The following ACTR3C variants were observed in gnomAD, a reference collection of about 807,000 sequenced individuals.
ACTR3C encodes actin-related protein 3C.
Under a neutral mutation model 26.3 loss-of-function variants are expected in ACTR3C, and 18 were observed. The ratio of observed to expected loss-of-function variants is 0.68; its 90% CI spans 0.47 to 1.01. The LOEUF (loss-of-function observed/expected upper bound fraction) is 1.01. Ranked by LOEUF, ACTR3C falls within the 50% of genes least tolerant of loss-of-function variation. The pLI, the probability that ACTR3C is intolerant of heterozygous loss-of-function variation, is 0.00. For synonymous variants in ACTR3C, 55 were observed against 94.5 expected (o/e 0.58, Z 2.42); for missense variants, 184 against 250.7 (o/e 0.73, Z 1.80).
the ACTR3C span, chr7:150,044,951 G>C: frequency 2.6e-5 from 4 of 152,212 alleles, no homozygotes; most frequent in African/African-American, 9.6e-5. Flanking sequence ...GCTAAGCCAA[G>C]AGAAGGTTTC....
At chr7:150,237,397 C>T in the ACTR3C span, among the ~76,000 whole-genome samples, 1 of 152,076 alleles carries the variant, frequency 6.6e-6, no homozygotes, top group Non-Finnish European at 1.5e-5. Flanking sequence ...CACCCACAGC[C>T]CTAGAGAACT....
At chr7:150,033,567 G>A in the ACTR3C span, among the ~76,000 whole-genome samples, 1 of 152,152 alleles carries the variant, frequency 6.6e-6, no homozygotes, top group Admixed American at 6.5e-5. Flanking sequence ...GGGTGGAAGA[G>A]GGGCTGGCTC....
At chr7:149,984,946 C>T in the ACTR3C span, among the ~76,000 whole-genome samples, 1 of 152,022 alleles carries the variant, frequency 6.6e-6, no homozygotes, top group Non-Finnish European at 1.5e-5. Context: ...TGTGTTTCAC[C>T]ATTTATCTGT....
the ACTR3C span, among the ~76,000 whole-genome samples, chr7:150,168,563 T>C: frequency 6.6e-6 from 1 of 150,858 alleles, no homozygotes. Context: ...GTAAGTGTAA[T>C]GCACTTGAAT....
At chr7:150,098,863 G>C in the ACTR3C span, among the ~76,000 whole-genome samples, 3 of 151,532 alleles carry the variant, frequency 2.0e-5, no homozygotes, top group East Asian at 1.9e-4. Flanking sequence ...AAATCACGTG[G>C]ATTGCCTTCC....
chr7:150,145,345 C>T, the ACTR3C span, among the ~76,000 whole-genome samples: 57 of 152,276 alleles, frequency 3.7e-4, no homozygotes, highest in African/African-American at 1.3e-3. Flanking sequence ...CCACCAGCAG[C>T]AGAATTTGAC....
At chr7:150,263,137 A>G (rs1159207284) in intron 6 of ACTR3C, among the ~76,000 whole-genome samples, 1 of 152,042 alleles carries the variant, frequency 6.6e-6, no homozygotes, top group African/African-American at 2.4e-5. Flanking sequence ...AGAAATGATG[A>G]TAATTTAATA....
chr7:150,037,079 C>T, the ACTR3C span, among the ~76,000 whole-genome samples: 666 of 97,932 alleles, frequency 6.8e-3, 6 homozygotes, highest in African/African-American at 9.5e-3. Flanking sequence ...GGTGCCTCCC[C>T]CTCGTGCGAT....
At chr7:150,321,599 G>A (rs1251739629) in intron 1 of ACTR3C, among the ~76,000 whole-genome samples, 4 of 152,170 alleles carry the variant, frequency 2.6e-5, no homozygotes, top group Admixed American at 2.6e-4. Flanking sequence ...AATTAGCCAG[G>A]TGTGGTGGTT....
chr7:150,067,416 A>C, the ACTR3C span, among the ~76,000 whole-genome samples: 1 of 152,226 alleles, frequency 6.6e-6, no homozygotes, highest in African/African-American at 2.4e-5. Flanking sequence ...TCTGGGGACA[A>C]AGCAGACATA....
At chr7:150,298,302 T>C (rs2429326) in intron 1 of ACTR3C, among the ~76,000 whole-genome samples, 2,036 of 148,594 alleles carry the variant, frequency 0.014, 188 homozygotes, top group African/African-American at 0.05. Flanking sequence ...AAGAGAAAAA[T>C]AAGTCTTCAG....
the ACTR3C span, among the ~76,000 whole-genome samples, chr7:149,888,500 C>T: frequency 9.2e-5 from 14 of 152,362 alleles, no homozygotes; most frequent in South Asian, 2.3e-3. Flanking sequence ...TTGGACATTT[C>T]GGTTTCCACT....
the ACTR3C span, among the ~76,000 whole-genome samples, chr7:150,005,461 C>G: frequency 6.6e-6 from 1 of 151,960 alleles, no homozygotes; most frequent in Non-Finnish European, 1.5e-5. Flanking sequence ...TTGCTTTGGA[C>G]AGTTTATAAA....
At chr7:150,074,496 G>A in the ACTR3C span, 1 of 151,884 alleles carries the variant, frequency 6.6e-6, no homozygotes, top group African/African-American at 2.4e-5. Context: ...GTTCTTACTG[G>A]GGGTTAGTCA....
At chr7:149,903,648 C>T in the ACTR3C span, among the ~76,000 whole-genome samples, 3 of 151,600 alleles carry the variant, frequency 2.0e-5, no homozygotes, top group East Asian at 5.8e-4. Context: ...CTCAAGCAAT[C>T]ATCCCACCTC....
chr7:149,898,916 A>C, the ACTR3C span, among the ~76,000 whole-genome samples: 1 of 151,914 alleles, frequency 6.6e-6, no homozygotes, highest in South Asian at 2.1e-4. Context: ...ACAATGGAGA[A>C]ATCTGTCTAA....
chr7:149,975,091 C>T, the ACTR3C span, among the ~76,000 whole-genome samples: 1 of 152,190 alleles, frequency 6.6e-6, no homozygotes, highest in Non-Finnish European at 1.5e-5. Flanking sequence ...GCAGAATACA[C>T]ATGTCCCCCC....
the ACTR3C span, among the ~76,000 whole-genome samples, chr7:150,049,391 A>C: frequency 1.3e-4 from 19 of 151,054 alleles, no homozygotes; most frequent in East Asian, 2.6e-3. Context: ...GGAAACCCCA[A>C]CTCCAGAGGG....
chr7:150,037,332 G>C, the ACTR3C span, among the ~76,000 whole-genome samples: 2 of 41,502 alleles, frequency 4.8e-5, no homozygotes, highest in African/African-American at 8.9e-5. Flanking sequence ...GTCCTAAGCC[G>C]GGGGGGGAAG....
Sources: allele counts gnomAD v4.1 joint callset (sites outside exome capture counted in the v4.1 genomes callset), GRCh38; gene constraint gnomAD v4.1.1; transcripts MANE v1.5; gene names NCBI Gene and HGNC (gene_info 2026-07-23, HGNC 2026-07-21).